The following GRM7 variants were observed in gnomAD, a reference collection of about 807,000 sequenced individuals.
GRM7 encodes metabotropic glutamate receptor 7.
A neutral mutation model predicts 84.5 loss-of-function variants in GRM7; 35 were observed. That is an observed-to-expected ratio of 0.41 (90% CI 0.32 to 0.55). GRM7 has a LOEUF of 0.55. Ranked by LOEUF, GRM7 falls within the 20% of genes least tolerant of loss-of-function variation. The pLI is 0.19. For missense variants in GRM7, 1,003 were observed against 1,194.6 expected, an observed-to-expected ratio of 0.84 and a Z score of 2.36; for synonymous variants, 487 against 455.1, an observed-to-expected ratio of 1.07 and a Z score of -0.89.
rs544642904 is a variant in GRM7, at chr3:7,641,273, C to A, written c.2452-38776C>A. Among the ~76,000 whole-genome samples, 3 of 152,180 alleles carry A rather than the reference C, an allele frequency of 2.0e-5. No individual in the cohort carries two copies. The East Asian group carries it at 5.8e-4, about 29-fold the overall frequency. On this transcript the variant is annotated intron_variant, in intron 8 of 9. Transcript: ENST00000357716. ...AGTCATCTGAAATTTAATTTTGAGA[C>A]CAATTATCTGCTGGAACTAAAAGGA...
chr3:7,420,001 A>G (rs551714410), intron 5 of GRM7, among the ~76,000 whole-genome samples: 1 of 152,288 alleles, frequency 6.6e-6, no homozygotes, highest in South Asian at 2.1e-4. Flanking sequence ...AAATGTCTAC[A>G]TTTTGGAAGG....
chr3:6,967,182 T>A (rs560165178), intron 1 of GRM7, among the ~76,000 whole-genome samples: 3 of 152,230 alleles, frequency 2.0e-5, no homozygotes, highest in South Asian at 2.1e-4. Flanking sequence ...TTCCTTTTTT[T>A]ATTTTTATTT....
chr3:7,659,362 G>A (rs1699335017), intron 8 of GRM7, among the ~76,000 whole-genome samples: 1 of 152,110 alleles, frequency 6.6e-6, no homozygotes, highest in African/African-American at 2.4e-5. Flanking sequence ...GAGCTACTGG[G>A]AAAGAGAAAG....
rs143675146 is a variant in GRM7, at chr3:7,066,892, C to T, written c.520-79560C>T. Among the ~76,000 whole-genome samples, 374 of 151,966 alleles carry T rather than the reference C, an allele frequency of 2.5e-3. 1 individual carries two copies. Among genetic ancestry groups the T allele is most frequent in the African/African-American group, 8.7e-3 (359 of 41,480 alleles). On this transcript the variant is annotated intron_variant, in intron 1 of 9. Transcript: ENST00000357716. ...CATACGCAAGTCAGTAAATATGACA[C>T]GCCACATAAACAGATTTAAAAACAA...
chr3:6,975,133 G>A (rs1303235953), intron 1 of GRM7, among the ~76,000 whole-genome samples: 1 of 152,128 alleles, frequency 6.6e-6, no homozygotes, highest in Non-Finnish European at 1.5e-5. Flanking sequence ...CAGATGCGTG[G>A]AGGTAAGTAG....
rs1694748438 is a variant in GRM7 at position 7,572,826 on chromosome 3, ATATATATATATAT to A, written c.1516-5595_1516-5583del. ...GACAGAGTGAGACTCTATCTCAAAT[ATATATATATATAT>A]ATATATATATATATATATATATATA... On this transcript the variant is annotated intron_variant, in intron 7 of 9. Transcript: ENST00000357716. 2.4e-3 allele frequency among the ~76,000 whole-genome samples: 149 copies of A among 62,520 alleles called. 12 individuals are homozygous for A. The South Asian group carries it at 0.031, about 13-fold the overall frequency. The allele number at this position is 62,520 out of a possible 152,430, so 41.0% of individuals were successfully genotyped here.
chr3:7,687,305 T>C (rs1393399067), intron 9 of GRM7, among the ~76,000 whole-genome samples: 18 of 152,198 alleles, frequency 1.2e-4, no homozygotes, highest in Admixed American at 3.9e-4. Flanking sequence ...TCACCACAGA[T>C]GCTTTTATAT....
At chr3:6,931,387 C>T (rs992391322) in intron 1 of GRM7, among the ~76,000 whole-genome samples, 3 of 152,144 alleles carry the variant, frequency 2.0e-5, no homozygotes, top group African/African-American at 7.2e-5. Context: ...TCTCAGGCTT[C>T]TCATCCTTGC....
rs191442623 is a variant in GRM7, at chr3:7,514,462, G to A, written c.1515+52740G>A. On this transcript the variant is annotated intron_variant, in intron 7 of 9. Coordinates refer to ENST00000357716, the MANE Select transcript of GRM7 (RefSeq NM_000844.4). ...CACAAGCTACATTTTCAGAAGTTTG[G>A]TCAAAGGAAAATGGTCATCTCTGGA... Among the ~76,000 whole-genome samples, 5 of 152,290 alleles carry A rather than the reference G, an allele frequency of 3.3e-5. No individual in the cohort carries two copies. In the East Asian group the frequency reaches 7.7e-4, roughly 24 times the overall value.
At chr3:7,426,461 A>T (rs11705771) in intron 5 of GRM7, among the ~76,000 whole-genome samples, 1 of 151,928 alleles carries the variant, frequency 6.6e-6, no homozygotes, top group Non-Finnish European at 1.5e-5. Flanking sequence ...GGGCCTTTGT[A>T]TATGCTGTTT....
At chr3:7,137,943 G>C (rs1473064784) in intron 1 of GRM7, among the ~76,000 whole-genome samples, 2 of 152,040 alleles carry the variant, frequency 1.3e-5, no homozygotes, top group Admixed American at 6.6e-5. Flanking sequence ...AGAAGACTGA[G>C]CTTCTTTAAG....
At chr3:7,346,098 T>C (rs1162826438) in intron 4 of GRM7, among the ~76,000 whole-genome samples, 2 of 152,162 alleles carry the variant, frequency 1.3e-5, no homozygotes, top group East Asian at 1.9e-4. Flanking sequence ...AATACTCTTA[T>C]TGTGTTTTAT....
At chr3:7,077,380 A>C (rs1201343761) in intron 1 of GRM7, among the ~76,000 whole-genome samples, 1 of 152,154 alleles carries the variant, frequency 6.6e-6, no homozygotes, top group Non-Finnish European at 1.5e-5. Flanking sequence ...ATACCATGGA[A>C]TACTATGCAG....
chr3:7,337,751 A>T (rs775018670), intron 4 of GRM7, among the ~76,000 whole-genome samples: 45 of 152,130 alleles, frequency 3.0e-4, no homozygotes, highest in African/African-American at 6.3e-4. Context: ...AAAATAAATT[A>T]AAAAAAGATA....
intron 8 of GRM7, among the ~76,000 whole-genome samples, chr3:7,624,737 A>G (rs1464094892): frequency 1.3e-5 from 2 of 152,274 alleles, no homozygotes; most frequent in Non-Finnish European, 2.9e-5. Flanking sequence ...ACATTAGTTT[A>G]TCTTAGAAAT....
intron 2 of GRM7, among the ~76,000 whole-genome samples, chr3:7,253,864 T>C (rs74478176): frequency 0.033 from 5,066 of 152,200 alleles, 272 homozygotes; most frequent in African/African-American, 0.11. Flanking sequence ...TGCGCATCAT[T>C]TCAGAGTCAA....
At chr3:6,985,350 C>T (rs1694369739) in intron 1 of GRM7, among the ~76,000 whole-genome samples, 2 of 151,964 alleles carry the variant, frequency 1.3e-5, no homozygotes, top group South Asian at 4.1e-4. Context: ...CCATCTTCAC[C>T]CACCCTCCAC....
At chr3:7,645,546 TAAAAA>T (rs71043684) in intron 8 of GRM7, among the ~76,000 whole-genome samples, 44 of 87,774 alleles carry the variant, frequency 5.0e-4, no homozygotes, top group African/African-American at 1.8e-3. Context: ...GACTCCATCT[TAAAAA>T]AAAAAAAAAA....
At chr3:7,230,194 A>T (rs1175890192) in intron 2 of GRM7, among the ~76,000 whole-genome samples, 2 of 152,094 alleles carry the variant, frequency 1.3e-5, no homozygotes, top group Non-Finnish European at 2.9e-5. Context: ...CCTCAAACAG[A>T]TTCAATTAAT....
Sources: gnomAD v4.1 joint callset for allele counts (sites outside exome capture counted in the v4.1 genomes callset) on GRCh38, gnomAD v4.1.1 for gene constraint, MANE v1.5 for transcripts, NCBI Gene and HGNC (gene_info 2026-07-23, HGNC 2026-07-21) for gene names.